DLC1: variants seen among roughly 807,000 people sequenced by gnomAD.
The protein encoded by DLC1 is DLC1 Rho GTPase activating protein.
A neutral mutation model predicts 140.3 loss-of-function variants in DLC1; 54 were observed. The observed-to-expected ratio is 0.38, with a 90% CI of 0.31 to 0.48. The LOEUF is 0.48. Ranked by LOEUF, DLC1 falls within the 20% of genes least tolerant of loss-of-function variation. DLC1 has a pLI of 0.96. For synonymous variants in DLC1, 986 were observed against 728.1 expected, an observed-to-expected ratio of 1.35 and a Z score of -5.70; for missense variants, 2,536 against 1,907.0, an observed-to-expected ratio of 1.33 and a Z score of -6.14.
intron 4 of DLC1, among the ~76,000 whole-genome samples, chr8:13,352,905 G>C (rs1372497414): frequency 1.3e-5 from 2 of 152,104 alleles, no homozygotes; most frequent in East Asian, 3.9e-4. Flanking sequence ...ATTCTGTGGA[G>C]AGGATAAACA....
At chr8:13,346,283 A>G (rs1586176147) in intron 4 of DLC1, among the ~76,000 whole-genome samples, 1 of 152,354 alleles carries the variant, frequency 6.6e-6, no homozygotes, top group Non-Finnish European at 1.5e-5. Context: ...GGCTTTCTCC[A>G]TTCAGCTAAG....
intron 4 of DLC1, among the ~76,000 whole-genome samples, chr8:13,365,271 C>T (rs146722051): frequency 5.8e-4 from 89 of 152,184 alleles, no homozygotes; most frequent in African/African-American, 2.1e-3. Flanking sequence ...CAAAAGCATG[C>T]TAGGCTATTG....
chr8:13,594,737 G>A (rs1250768982), intron 1 of DLC1, among the ~76,000 whole-genome samples: 6 of 151,368 alleles, frequency 4.0e-5, no homozygotes, highest in African/African-American at 1.5e-4. Context: ...TTCACAGACA[G>A]CAACTGAACA....
chr8:13,130,880 G>A (rs891248471), intron 5 of DLC1, among the ~76,000 whole-genome samples: 2 of 152,166 alleles, frequency 1.3e-5, no homozygotes, highest in Non-Finnish European at 1.5e-5. Context: ...AAACAGCCAG[G>A]AGAGAAACTC....
At chr8:13,374,228 G>C (rs1460946573) in intron 4 of DLC1, among the ~76,000 whole-genome samples, 4 of 152,166 alleles carry the variant, frequency 2.6e-5, no homozygotes, top group Non-Finnish European at 5.9e-5. Context: ...TGCTACAGTG[G>C]AGCTCTCCAA....
chr8:13,249,140 G>A (rs56407481), intron 5 of DLC1, among the ~76,000 whole-genome samples: 3 of 151,800 alleles, frequency 2.0e-5, no homozygotes, highest in African/African-American at 7.3e-5. Flanking sequence ...GCAATGGCGC[G>A]ATCTTCGCTC....
intron 5 of DLC1, among the ~76,000 whole-genome samples, chr8:13,286,694 C>A: frequency 6.8e-6 from 1 of 147,398 alleles, no homozygotes; most frequent in Non-Finnish European, 1.5e-5. Context: ...AGCCAAAAAC[C>A]TTTTCTTAAC....
At chr8:13,299,346 G>T (rs1352031137) in intron 5 of DLC1, among the ~76,000 whole-genome samples, 1 of 151,626 alleles carries the variant, frequency 6.6e-6, no homozygotes, top group African/African-American at 2.4e-5. Context: ...TACTTGGGAG[G>T]CTGAGGCAGG....
intron 2 of DLC1, among the ~76,000 whole-genome samples, chr8:13,479,802 A>AAAGAAG (rs60625191): frequency 0.024 from 1,390 of 56,818 alleles, 47 homozygotes; most frequent in African/African-American, 0.05. Context: ...GAAAGAAAGA[A>AAAGAAG]AAGAAGAAGA....
At chr8:13,588,987 A>G (rs1257175376) in intron 1 of DLC1, among the ~76,000 whole-genome samples, 1 of 152,118 alleles carries the variant, frequency 6.6e-6, no homozygotes, top group Non-Finnish European at 1.5e-5. Flanking sequence ...TTCCTATAAG[A>G]GAGATATTTT....
intron 4 of DLC1, among the ~76,000 whole-genome samples, chr8:13,323,793 G>A (rs1423359171): frequency 6.6e-6 from 1 of 152,156 alleles, no homozygotes; most frequent in Non-Finnish European, 1.5e-5. Context: ...GCAGTCCTAT[G>A]AGACATAAAG....
At chr8:13,347,692 G>A (rs1183322592) in intron 4 of DLC1, among the ~76,000 whole-genome samples, 1 of 152,262 alleles carries the variant, frequency 6.6e-6, no homozygotes, top group Non-Finnish European at 1.5e-5. Flanking sequence ...TGGGAAAGAT[G>A]GACAGGTCAC....
At chr8:13,098,927 A>C (rs1297381395) in intron 9 of DLC1, among the ~76,000 whole-genome samples, 1 of 152,126 alleles carries the variant, frequency 6.6e-6, no homozygotes, top group Non-Finnish European at 1.5e-5. Flanking sequence ...AAGGCTTTTT[A>C]ATAGGTAGAA....
intron 7 of DLC1, among the ~76,000 whole-genome samples, chr8:13,105,974 CG>C (rs1819533583): frequency 6.6e-6 from 1 of 152,314 alleles, no homozygotes; most frequent in South Asian, 2.1e-4. Context: ...ATATGCTGGG[CG>C]TAACCCATCC....
At chr8:13,463,598 A>T (rs532778458) in intron 2 of DLC1, among the ~76,000 whole-genome samples, 1 of 152,326 alleles carries the variant, frequency 6.6e-6, no homozygotes, top group East Asian at 1.9e-4. Context: ...TTTCTCATAA[A>T]ATAGACACAA....
intron 4 of DLC1, among the ~76,000 whole-genome samples, chr8:13,364,552 C>A (rs1473305834): frequency 6.6e-6 from 1 of 152,190 alleles, no homozygotes; most frequent in African/African-American, 2.4e-5. Flanking sequence ...CCGCCTTGGC[C>A]TTCCAAAGTG....
At chr8:13,275,451 A>C (rs58156545) in intron 5 of DLC1, among the ~76,000 whole-genome samples, 9 of 152,232 alleles carry the variant, frequency 5.9e-5, no homozygotes, top group African/African-American at 2.2e-4. Context: ...TGACCCATCC[A>C]TGTAGACGGC....
chr8:13,354,850 G>C (rs1454973744), intron 4 of DLC1, among the ~76,000 whole-genome samples: 1 of 151,294 alleles, frequency 6.6e-6, no homozygotes, highest in East Asian at 1.9e-4. Flanking sequence ...TGGGGAAGCT[G>C]AGATGGGAGG....
At chr8:13,468,005 A>G (rs866687605) in intron 2 of DLC1, among the ~76,000 whole-genome samples, 12 of 152,284 alleles carry the variant, frequency 7.9e-5, no homozygotes, top group South Asian at 4.1e-4. Context: ...TATGACTGAC[A>G]TTCGTTCTTT....
Sources: gnomAD v4.1 joint callset for allele counts (sites outside exome capture counted in the v4.1 genomes callset) on GRCh38, gnomAD v4.1.1 for gene constraint, MANE v1.5 for transcripts, NCBI Gene and HGNC (gene_info 2026-07-23, HGNC 2026-07-21) for gene names.